Variants in ZNF385D observed in about 807,000 individuals in gnomAD.
ZNF385D encodes the protein zinc finger protein 659.
Under a neutral mutation model 35.8 loss-of-function variants are expected in ZNF385D, and 15 were observed. The ratio of observed to expected loss-of-function variants is 0.42; its 90% confidence interval spans 0.28 to 0.64. The LOEUF (loss-of-function observed/expected upper bound fraction) is 0.64. ZNF385D is among the 30% of genes least tolerant of loss of function. The pLI is 0.23. For missense variants in ZNF385D, 474 were observed against 494.6 expected (o/e 0.96, Z 0.39); for synonymous variants, 212 against 186.8 (o/e 1.13, Z -1.10).
chr3:21,455,551 G>A (rs1418531185), intron 4 of ZNF385D, among the ~76,000 whole-genome samples: 1 of 152,158 alleles, frequency 6.6e-6, no homozygotes, highest in Non-Finnish European at 1.5e-5. Context: ...AGCTGAAACT[G>A]GATCCCTTCC....
At chr3:21,555,397 G>A (rs998542555) in intron 3 of ZNF385D, among the ~76,000 whole-genome samples, 1 of 152,136 alleles carries the variant, frequency 6.6e-6, no homozygotes, top group Admixed American at 6.6e-5. Flanking sequence ...GCCCTGGTGT[G>A]TGATGTTCCC....
intron 3 of ZNF385D, among the ~76,000 whole-genome samples, chr3:21,841,694 G>A (rs574782647): frequency 6.6e-6 from 1 of 151,804 alleles, no homozygotes; most frequent in African/African-American, 2.4e-5. Context: ...ACAAGTATAA[G>A]TATGCATAAT....
At chr3:22,256,582 C>A (rs1051281741) in intron 2 of ZNF385D, among the ~76,000 whole-genome samples, 6 of 151,818 alleles carry the variant, frequency 4.0e-5, no homozygotes, top group Middle Eastern at 6.3e-3. Context: ...TTTCTGTCTA[C>A]AAGTGAGATA....
chr3:21,771,433 A>G (rs1029850380), intron 3 of ZNF385D, among the ~76,000 whole-genome samples: 2 of 151,944 alleles, frequency 1.3e-5, no homozygotes, highest in East Asian at 1.9e-4. Flanking sequence ...TTTTAGCAAG[A>G]AAATAAAATC....
intron 4 of ZNF385D, among the ~76,000 whole-genome samples, chr3:21,506,638 A>C (rs1222474410): frequency 6.6e-6 from 1 of 152,188 alleles, no homozygotes; most frequent in Non-Finnish European, 1.5e-5. Context: ...GTATTTAAAA[A>C]CACTTGCTAG....
At chr3:21,682,213 T>TCTCTCTCTCTCTCTCTC (rs1553636599) in intron 1 of ZNF385D, among the ~76,000 whole-genome samples, 1 of 151,126 alleles carries the variant, frequency 6.6e-6, no homozygotes, top group African/African-American at 2.4e-5. Flanking sequence ...TTGTTTTTAG[T>TCTCTCTCTCTCTCTCTC]TTAGCTTTGT....
At chr3:21,607,541 C>G (rs984930409) in intron 2 of ZNF385D, among the ~76,000 whole-genome samples, 6 of 152,326 alleles carry the variant, frequency 3.9e-5, no homozygotes, top group African/African-American at 1.4e-4. Context: ...AAACAATGTC[C>G]TCTGCCAATC....
At chr3:21,864,492 T>C (rs1697226259) in intron 3 of ZNF385D, among the ~76,000 whole-genome samples, 2 of 152,124 alleles carry the variant, frequency 1.3e-5, no homozygotes, top group Admixed American at 6.6e-5. Context: ...AGTTTCTCTT[T>C]TAAATTATGG....
At chr3:21,764,817 A>G (rs906003558) in intron 3 of ZNF385D, among the ~76,000 whole-genome samples, 5 of 152,142 alleles carry the variant, frequency 3.3e-5, no homozygotes, top group South Asian at 2.1e-4. Flanking sequence ...GGAAAATACC[A>G]TAAGTTTTTA....
At chr3:22,098,778 A>C (rs975816852) in intron 3 of ZNF385D, among the ~76,000 whole-genome samples, 3 of 152,066 alleles carry the variant, frequency 2.0e-5, no homozygotes, top group Admixed American at 2.0e-4. Context: ...CTATATTTTT[A>C]AAGTAGCAAA....
At chr3:22,227,633 T>C (rs767000926) in intron 2 of ZNF385D, among the ~76,000 whole-genome samples, 2 of 152,122 alleles carry the variant, frequency 1.3e-5, no homozygotes, top group Non-Finnish European at 2.9e-5. Context: ...GGACTAGTGA[T>C]GGCAGGGAAG....
chr3:21,684,405 C>T (rs867197654), intron 1 of ZNF385D, among the ~76,000 whole-genome samples: 117 of 8,746 alleles, frequency 0.013, no homozygotes, highest in African/African-American at 0.028. Flanking sequence ...TCTCTCTCTC[C>T]TCTCTCTCTC....
intron 1 of ZNF385D, among the ~76,000 whole-genome samples, chr3:21,691,222 G>C (rs555133739): frequency 8.5e-5 from 13 of 152,198 alleles, no homozygotes; most frequent in Non-Finnish European, 1.2e-4. Context: ...TTGTTTCTGT[G>C]TTGCCAAGTA....
intron 3 of ZNF385D, among the ~76,000 whole-genome samples, chr3:21,905,045 C>G (rs984221163): frequency 1.3e-5 from 2 of 151,658 alleles, no homozygotes; most frequent in African/African-American, 2.4e-5. Flanking sequence ...GATTAAAATA[C>G]CTTTCACTGT....
chr3:21,479,229 A>T (rs944022714), intron 4 of ZNF385D, among the ~76,000 whole-genome samples: 1 of 151,738 alleles, frequency 6.6e-6, no homozygotes, highest in Non-Finnish European at 1.5e-5. Context: ...CAGGAAATGC[A>T]TATCTTTCCG....
In ZNF385D at chr3:21,751,128, C is replaced by A; in HGVS notation, c.-212G>T. 1.4e-6 allele frequency: 2 copies of A among 1,460,670 alleles called. No homozygotes were observed. The highest frequency in any genetic ancestry group is 2.9e-5 in the South Asian group (2 of 69,294). The allele number at this position is 1,460,670 out of a possible 1,614,324, so 90.5% of individuals were successfully genotyped here. On this transcript the variant is annotated 5_prime_UTR_variant, in exon 1 of 8. The change creates a premature stop within an existing upstream ORF in the 5' untranslated region. Coordinates refer to ENST00000281523, the MANE Select transcript of ZNF385D (RefSeq NM_024697.3). ...ATCCCCGGCGGCTGGAGAGTGCGCT[C>A]GGGCTGCCTGCTGCACTGCCCATCC...
At chr3:21,606,984 A>T (rs9834722) in intron 2 of ZNF385D, among the ~76,000 whole-genome samples, 2,165 of 152,258 alleles carry the variant, frequency 0.014, 55 homozygotes, top group African/African-American at 0.049. Flanking sequence ...CTCACAGCAA[A>T]TCATATATTA....
chr3:22,134,577 G>T (rs1446560134), intron 3 of ZNF385D, among the ~76,000 whole-genome samples: 2 of 151,852 alleles, frequency 1.3e-5, no homozygotes, highest in Non-Finnish European at 2.9e-5. Flanking sequence ...AGCATACATG[G>T]GACATTTACT....
At chr3:22,340,291 CATAA>C (rs1331969353) in intron 2 of ZNF385D, among the ~76,000 whole-genome samples, 2 of 152,104 alleles carry the variant, frequency 1.3e-5, no homozygotes, top group African/African-American at 4.8e-5. Context: ...CTAAAATGGA[CATAA>C]ATAAAGATTT....
Sources: allele counts gnomAD v4.1 joint callset (sites outside exome capture counted in the v4.1 genomes callset), GRCh38; gene constraint gnomAD v4.1.1; transcripts MANE v1.5; gene names NCBI Gene and HGNC (gene_info 2026-07-23, HGNC 2026-07-21).